Variants in MYO5C observed in about 807,000 individuals in gnomAD.
MYO5C encodes the protein unconventional myosin-Vc.
MYO5C carries 194 observed loss-of-function variants against 235.7 expected under a neutral mutation model. That is an observed-to-expected ratio of 0.82 (90% CI 0.73 to 0.93). MYO5C has a LOEUF of 0.93. MYO5C is among the 40% of genes least tolerant of loss of function. MYO5C has a pLI of 0.00. For synonymous variants in MYO5C, 707 were observed against 754.8 expected, an observed-to-expected ratio of 0.94 and a Z score of 1.04; for missense variants, 2,038 against 2,127.2, an observed-to-expected ratio of 0.96 and a Z score of 0.82.
In MYO5C at chr15:52,283,065, C is replaced by G. The variant is rs541531040; in HGVS notation, c.28-173G>C. Among the ~76,000 whole-genome samples, 39 of 152,280 alleles carry G rather than the reference C, an allele frequency of 2.6e-4. 1 individual carries two copies. The highest frequency in any genetic ancestry group is 2.6e-3 in the Admixed American group (39 of 15,292). Reference sequence around the variant, plus strand: ...TTTCGTGCATCTGTGATGCACCAGGCCTGGCTGCCTCAGTTTACAGGCAAC... The same window carrying G: ...TTTCGTGCATCTGTGATGCACCAGGGCTGGCTGCCTCAGTTTACAGGCAAC... On this transcript the variant is annotated intron_variant, in intron 1 of 40. Transcript: ENST00000261839.
At chr15:52,227,738 C>A (rs945870943) in intron 25 of MYO5C, among the ~76,000 whole-genome samples, 1 of 152,162 alleles carries the variant, frequency 6.6e-6, no homozygotes, top group Non-Finnish European at 1.5e-5. Context: ...ATCATGTGGT[C>A]TGACCTCCTA....
rs139794251 is a variant in MYO5C at position 52,246,190 on chromosome 15, T to G, written c.1980-148A>C. The G allele has an allele frequency of 6.1e-3, 3,905 of 644,908 alleles. 88 individuals are homozygous for G. The highest frequency in any genetic ancestry group is 0.038 in the Admixed American group (1,481 of 39,202). The allele number at this position is 644,908 out of a possible 1,614,324, so 39.9% of individuals were successfully genotyped here. On this transcript the variant is annotated intron_variant, in intron 16 of 40. Transcript: ENST00000261839. ...GTTTCTATTGCATGACCAAGAAAAATAGCACCTCTGCAAAACAGTCCATAA... is the reference window on the plus strand; with the variant it reads ...GTTTCTATTGCATGACCAAGAAAAAGAGCACCTCTGCAAAACAGTCCATAA...
chr15:52,256,912 C>T, intron 10 of MYO5C, 192 bp from the exon 11 acceptor site: 1 of 532,496 alleles, frequency 1.9e-6, no homozygotes, highest in East Asian at 3.1e-5. Flanking sequence ...CTGGTTGTCC[C>T]CCGGAAGAAA....
intron 33 of MYO5C, chr15:52,213,626 T>C (rs1368091015): frequency 4.9e-6 from 1 of 203,986 alleles, no homozygotes. Flanking sequence ...AGAAGACTTG[T>C]GAAACATTTG....
intron 31 of MYO5C, among the ~76,000 whole-genome samples, chr15:52,219,060 GAA>G (rs972985320): frequency 9.2e-5 from 14 of 152,364 alleles, no homozygotes; most frequent in African/African-American, 2.9e-4. Context: ...GGATCAGACA[GAA>G]GAGAGGAGGA....
chr15:52,286,268 T>TGGG (rs1239176449), intron 1 of MYO5C, among the ~76,000 whole-genome samples: 1 of 118,864 alleles, frequency 8.4e-6, no homozygotes, highest in African/African-American at 3.2e-5. Flanking sequence ...GGGAGGGAGG[T>TGGG]GGGGGTCAGC....
At position 52,204,859 on chromosome 15, in the gene MYO5C, T is replaced by G. The variant is rs747708354; in HGVS notation, c.4820+6A>C. 6.2e-7 allele frequency: 1 copy of G among 1,613,046 alleles called. No individual in the cohort carries two copies. Among genetic ancestry groups the G allele is most frequent in the African/African-American group, 1.3e-5 (1 of 75,034 alleles). ...CTCCGCGTGAGCGGAGGTTTCTGGG[T>G]TTTACCTGATCTGCATCCCTTTTCT... On this transcript the variant is annotated splice_donor_region_variant and intron_variant, in intron 38 of 40. Coordinates refer to ENST00000261839, the MANE Select transcript of MYO5C (RefSeq NM_018728.4).
rs200841357 is a variant in MYO5C at position 52,242,053 on chromosome 15, G to A, written c.2551C>T (p.Arg851Ter). ...SRGFLARRRYRKMLEEHKAVI... is the reference protein window; with the variant it reads ...SRGFLARRRY ...TAGACAGAGGTTGGCCTCACCTTTC[G>A]ATACCTCCTCCTTGCCAGGAATCCT... is the stretch of plus-strand genomic sequence containing the variant. The change falls in exon 20 of 41, where the codon CGA (arginine) becomes TGA (stop). Residue 851 changes from arginine (R) to a stop codon, truncating the protein, a stop_gained. Transcript: ENST00000261839. LOFTEE classifies it high-confidence loss of function. The A allele has an allele frequency of 3.2e-5, 52 of 1,610,044 alleles. No homozygotes were observed. Among genetic ancestry groups the A allele is most frequent in the Non-Finnish European group, 4.0e-5 (47 of 1,178,092 alleles).
intron 10 of MYO5C, among the ~76,000 whole-genome samples, chr15:52,259,445 AAG>A (rs1166784670): frequency 6.6e-6 from 1 of 151,972 alleles, no homozygotes. Context: ...AAAAAAAAGA[AAG>A]AAATAATATA....
chr15:52,260,713 A>T, intron 10 of MYO5C, 149 bp downstream of exon 10: 2 of 794,578 alleles, frequency 2.5e-6, no homozygotes, highest in Non-Finnish European at 3.9e-6. Context: ...AGCCCAGGAG[A>T]GTGTACTTAG....
intron 8 of MYO5C, among the ~76,000 whole-genome samples, chr15:52,264,836 G>A (rs992992087): frequency 6.6e-6 from 1 of 152,186 alleles, no homozygotes; most frequent in African/African-American, 2.4e-5. Context: ...AGCGGAGAAG[G>A]TTCCGAGTGC....
rs963053649 is a variant in MYO5C at position 52,272,811 on chromosome 15, C to T, written c.607-88G>A. 5 of 1,359,162 alleles carry T rather than the reference C, an allele frequency of 3.7e-6. No individual in the cohort carries two copies. The African/African-American group carries it at 7.3e-5, about 20-fold the overall frequency. The allele number at this position is 1,359,162 out of a possible 1,614,324, so 84.2% of individuals were successfully genotyped here. ...GAGGGGTTTTTAGTAAAAGGCAATCCTGTACCCTAGGGGAAGGTCTGATTG... is the reference window on the plus strand; with the variant it reads ...GAGGGGTTTTTAGTAAAAGGCAATCTTGTACCCTAGGGGAAGGTCTGATTG... On this transcript the variant is annotated intron_variant, in intron 5 of 40. Transcript: ENST00000261839.
chr15:52,233,924 T>G (rs550362200), intron 23 of MYO5C, among the ~76,000 whole-genome samples: 1 of 152,384 alleles, frequency 6.6e-6, no homozygotes, highest in East Asian at 1.9e-4. Flanking sequence ...TTACTTTTTT[T>G]TTTTAGCCAA....
chr15:52,277,306 A>G (rs1483700444), intron 4 of MYO5C: 1 of 512,038 alleles, frequency 2.0e-6, no homozygotes, highest in African/African-American at 2.0e-5. Flanking sequence ...GGCTGAAGTG[A>G]GCACAGCCCT....
chr15:52,260,996 C>A lies in MYO5C; in HGVS notation c.1179G>T (p.Gln393His). 2 of 1,614,224 alleles carry A rather than the reference C, an allele frequency of 1.2e-6. No individual in the cohort carries two copies. Among genetic ancestry groups the A allele is most frequent in the East Asian group, 2.2e-5 (1 of 44,888 alleles). The change falls in exon 10 of 41, where the codon CAG becomes CAT. Residue 393 changes from glutamine to histidine, a missense_variant. Physicochemically the swap from Gln to His is conservative, Grantham distance 24 (BLOSUM62 0). Transcript: ENST00000261839. ...CCAGTGCATCCCTGGCGTTGACAGC[C>A]TGAGGCCTGGTCATGGGTTTTACCA... is the stretch of plus-strand genomic sequence containing the variant. Reference protein sequence around the residue: ...ETVVKPMTRPQAVNARDALAK... With the variant: ...ETVVKPMTRPHAVNARDALAK...
chr15:52,284,744 G>A (rs528962357), intron 1 of MYO5C, among the ~76,000 whole-genome samples: 102 of 152,212 alleles, frequency 6.7e-4, no homozygotes, highest in African/African-American at 2.4e-3. Flanking sequence ...ACAGAAAGAT[G>A]GATAGACATG....
chr15:52,223,726 T>G lies in MYO5C; in HGVS notation c.3447-2A>C. On this transcript the variant is annotated splice_acceptor_variant, in intron 28 of 40. Coordinates refer to ENST00000261839, the MANE Select transcript of MYO5C (RefSeq NM_018728.4). LOFTEE classifies it high-confidence loss of function. ...GACTGGAAATGGCTCTCCAAAACAC[T>G]ATTAAAGGAGGGGTCAAGAAATAAA... 6.2e-7 allele frequency: 1 copy of G among 1,611,598 alleles called. No homozygotes were observed. The highest frequency in any genetic ancestry group is 8.5e-7 in the Non-Finnish European group (1 of 1,178,750).
At chr15:52,247,095 T>C (rs2036365758) in intron 15 of MYO5C, 81 bp from the exon 16 acceptor site, 1 of 1,230,626 alleles carries the variant, frequency 8.1e-7, no homozygotes, top group East Asian at 2.3e-5. Context: ...CCCAACCTTG[T>C]TAAGTTACTC....
chr15:52,290,626 G>GA (rs36071351), intron 1 of MYO5C, among the ~76,000 whole-genome samples: 3,555 of 136,536 alleles, frequency 0.026, 96 homozygotes, highest in South Asian at 0.13. Context: ...CAACCTTTAG[G>GA]AAAAAAAAAA....
Sources: gnomAD v4.1 joint callset for allele counts (sites outside exome capture counted in the v4.1 genomes callset) on GRCh38, gnomAD v4.1.1 for gene constraint, MANE v1.5 for transcripts, NCBI Gene and HGNC (gene_info 2026-07-23, HGNC 2026-07-21) for gene names.